ERBB4: variants seen among roughly 807,000 people sequenced by gnomAD.
ERBB4 encodes receptor tyrosine-protein kinase erbB-4.
A neutral mutation model predicts 158.0 loss-of-function variants in ERBB4; 42 were observed. That is an observed-to-expected ratio of 0.27 (90% CI 0.21 to 0.34). The LOEUF (loss-of-function observed/expected upper bound fraction) is 0.34, where lower values mean the gene tolerates loss of function less well. ERBB4 is among the 10% of genes least tolerant of loss of function. ERBB4 has a pLI of 1.00. For missense variants in ERBB4, 1,333 were observed against 1,624.1 expected (o/e 0.82, Z 3.08); for synonymous variants, 583 against 558.7 (o/e 1.04, Z -0.61).
intron 1 of ERBB4, among the ~76,000 whole-genome samples, chr2:212,174,721 T>G (rs554838134): frequency 6.6e-6 from 1 of 152,062 alleles, no homozygotes; most frequent in African/African-American, 2.4e-5. Context: ...GTAATAATTT[T>G]GATGTCTATC....
At chr2:212,065,153 C>T (rs2077905238) in intron 2 of ERBB4, among the ~76,000 whole-genome samples, 1 of 151,842 alleles carries the variant, frequency 6.6e-6, no homozygotes, top group Admixed American at 6.6e-5. Flanking sequence ...CTCAACAGGC[C>T]TTTAGATACA....
chr2:212,033,607 T>C (rs1214509675), intron 2 of ERBB4, among the ~76,000 whole-genome samples: 1 of 151,934 alleles, frequency 6.6e-6, no homozygotes, highest in Non-Finnish European at 1.5e-5. Context: ...TATTTTAACT[T>C]TGATCCAGGA....
intron 1 of ERBB4, among the ~76,000 whole-genome samples, chr2:212,343,049 T>C (rs915700202): frequency 2.0e-5 from 3 of 152,186 alleles, no homozygotes; most frequent in Non-Finnish European, 2.9e-5. Flanking sequence ...AACCTCACAG[T>C]GCTCACCTAG....
At chr2:211,911,235 C>T (rs539926257) in intron 3 of ERBB4, among the ~76,000 whole-genome samples, 1 of 152,238 alleles carries the variant, frequency 6.6e-6, no homozygotes, top group Middle Eastern at 3.4e-3. Flanking sequence ...TTCTCTGATG[C>T]AAACATGGAC....
chr2:212,284,849 G>A (rs541775825), intron 1 of ERBB4, among the ~76,000 whole-genome samples: 9 of 152,072 alleles, frequency 5.9e-5, no homozygotes, highest in African/African-American at 2.4e-5. Flanking sequence ...GAATCTTCTC[G>A]GAAAAGCTCT....
At chr2:211,935,082 GA>G (rs1266986549) in intron 3 of ERBB4, among the ~76,000 whole-genome samples, 1 of 152,096 alleles carries the variant, frequency 6.6e-6, no homozygotes, top group African/African-American at 2.4e-5. Context: ...GTGATAAAAA[GA>G]AAATCAGCAG....
At chr2:211,575,414 G>C (rs979473119) in intron 19 of ERBB4, among the ~76,000 whole-genome samples, 1 of 152,166 alleles carries the variant, frequency 6.6e-6, no homozygotes, top group African/African-American at 2.4e-5. Flanking sequence ...TTTATTCTCA[G>C]TTGTGAATGG....
chr2:212,007,639 G>T (rs953377099), intron 2 of ERBB4, among the ~76,000 whole-genome samples: 1 of 151,768 alleles, frequency 6.6e-6, no homozygotes, highest in African/African-American at 2.4e-5. Context: ...GTAAATGCTT[G>T]TCAAAAATCA....
At chr2:212,124,222 G>A (rs139827693) in intron 2 of ERBB4, among the ~76,000 whole-genome samples, 1 of 152,234 alleles carries the variant, frequency 6.6e-6, no homozygotes, top group East Asian at 1.9e-4. Flanking sequence ...GTTCTTGCAC[G>A]TATTGATCTA....
intron 1 of ERBB4, among the ~76,000 whole-genome samples, chr2:212,255,609 T>TG (rs1346759876): frequency 7.2e-5 from 11 of 151,922 alleles, no homozygotes; most frequent in African/African-American, 2.4e-4. Context: ...TGTGTGTGTG[T>TG]TTTTTTTAAA....
intron 1 of ERBB4, among the ~76,000 whole-genome samples, chr2:212,400,914 T>G (rs1353873420): frequency 6.6e-6 from 1 of 152,146 alleles, no homozygotes; most frequent in African/African-American, 2.4e-5. Flanking sequence ...TAATTAATAT[T>G]TGCATGTATA....
chr2:212,517,212 T>C (rs1691899998), intron 1 of ERBB4, among the ~76,000 whole-genome samples: 1 of 152,150 alleles, frequency 6.6e-6, no homozygotes, highest in African/African-American at 2.4e-5. Flanking sequence ...AACATTTCCA[T>C]GTTTACAATT....
At chr2:212,298,679 A>G (rs1338174671) in intron 1 of ERBB4, among the ~76,000 whole-genome samples, 1 of 151,654 alleles carries the variant, frequency 6.6e-6, no homozygotes, top group East Asian at 2.0e-4. Context: ...TCCATATGCA[A>G]AACATTTACT....
chr2:211,881,790 T>C (rs2078670549), intron 3 of ERBB4, among the ~76,000 whole-genome samples: 2 of 152,100 alleles, frequency 1.3e-5, no homozygotes, highest in Admixed American at 1.3e-4. Context: ...CCTTCTTTTG[T>C]CTATTAAACT....
chr2:211,437,789 C>T (rs1039986003), intron 20 of ERBB4, among the ~76,000 whole-genome samples: 71 of 151,848 alleles, frequency 4.7e-4, no homozygotes, highest in Non-Finnish European at 8.2e-4. Flanking sequence ...CTGAAGCTTT[C>T]GTAATAACAG....
At chr2:212,185,480 C>T (rs776720882) in intron 1 of ERBB4, among the ~76,000 whole-genome samples, 3 of 151,918 alleles carry the variant, frequency 2.0e-5, no homozygotes, top group Admixed American at 6.6e-5. Flanking sequence ...TATAAATAAC[C>T]CTCAAAGAGA....
chr2:211,708,809 G>GT (rs1039191472), intron 9 of ERBB4, among the ~76,000 whole-genome samples: 9 of 152,026 alleles, frequency 5.9e-5, no homozygotes, highest in African/African-American at 2.2e-4. Flanking sequence ...CATTTCTCAA[G>GT]TTTTTTTATT....
intron 12 of ERBB4, among the ~76,000 whole-genome samples, chr2:211,700,523 A>G (rs2073193689): frequency 6.6e-6 from 1 of 152,194 alleles, no homozygotes; most frequent in South Asian, 2.1e-4. Context: ...GAGCTAAAAT[A>G]TAAGAGAATT....
rs116593792 is a variant in ERBB4, at chr2:211,759,270, C to T, written c.557-8566G>A. Reference sequence around the variant, plus strand: ...TAATACAAACCACTATCATCTATTGCTTGGATTAATGCAATAACCTCTTAT... The same window carrying T: ...TAATACAAACCACTATCATCTATTGTTTGGATTAATGCAATAACCTCTTAT... On this transcript the variant is annotated intron_variant, in intron 4 of 27. Transcript: ENST00000342788. 6.3e-3 allele frequency among the ~76,000 whole-genome samples: 962 copies of T among 152,264 alleles called. 8 individuals are homozygous for T. Among genetic ancestry groups the T allele is most frequent in the African/African-American group, 0.022 (913 of 41,556 alleles).
Sources: allele counts gnomAD v4.1 joint callset (sites outside exome capture counted in the v4.1 genomes callset), GRCh38; gene constraint gnomAD v4.1.1; transcripts MANE v1.5; gene names NCBI Gene and HGNC (gene_info 2026-07-23, HGNC 2026-07-21).